Variants in PEX14 observed in about 807,000 individuals in gnomAD.
PEX14 encodes the protein peroxisomal membrane protein PEX14.
A neutral mutation model predicts 49.5 loss-of-function variants in PEX14; 15 were observed. The observed-to-expected ratio is 0.30, with a 90% CI of 0.20 to 0.47. The LOEUF is 0.47. Among genes scored for constraint, PEX14 ranks in the 20% least tolerant of loss-of-function variants. PEX14 has a pLI of 1.00. For synonymous variants in PEX14, 210 were observed against 212.7 expected, an observed-to-expected ratio of 0.99 and a Z score of 0.11; for missense variants, 398 against 494.8, an observed-to-expected ratio of 0.80 and a Z score of 1.86.
Position 10,514,156 on chromosome 1 carries a change from C to CTGTGTGTGTGTGTGTGTG in PEX14, c.84+18861_84+18878dup, listed in dbSNP as rs56306413. ...AAAATGTATAAAATAATCTATGCCTCTGTGTGTGTGTGTGTGTGTGTGTGT... is the reference window on the plus strand; with the variant it reads ...AAAATGTATAAAATAATCTATGCCTCTGTGTGTGTGTGTGTGTGTGTGTGTGTGTGTGTGTGTGTGTGT... On this transcript the variant is annotated intron_variant, in intron 2 of 8. Transcript: ENST00000356607. The surrounding 1 kb of genome is among the most constrained non-coding windows in gnomAD (Gnocchi z 4.4). Among the ~76,000 whole-genome samples, 2 of 143,176 alleles carry CTGTGTGTGTGTGTGTGTG rather than the reference C, an allele frequency of 1.4e-5. No homozygotes were observed. The highest frequency in any genetic ancestry group is 3.1e-5 in the Non-Finnish European group (2 of 65,074). The allele number at this position is 143,176 out of a possible 152,430, so 93.9% of individuals were successfully genotyped here.
At chr1:10,601,036 C>A (rs529064001) in intron 4 of PEX14, among the ~76,000 whole-genome samples, 1 of 151,698 alleles carries the variant, frequency 6.6e-6, no homozygotes, top group South Asian at 2.1e-4. Flanking sequence ...CCAAGGCGGG[C>A]GGATCACTTG....
chr1:10,612,717 A>G (rs555476385), intron 4 of PEX14, among the ~76,000 whole-genome samples: 4 of 152,186 alleles, frequency 2.6e-5, no homozygotes, highest in Non-Finnish European at 5.9e-5. Flanking sequence ...GTCTCTCTGC[A>G]CTTGTGCTCT....
In PEX14 at chr1:10,495,274, C is replaced by T; in HGVS notation, c.37C>T (p.Pro13Ser). Residue 13 changes from proline to serine, a missense_variant and splice_region_variant, in exon 2 of 9, where the codon CCA becomes TCA. This residue lies in a region of PEX14 where 56 missense variants were observed against 40.8 expected (regional missense o/e 1.37). Transcript: ENST00000356607. This position sits in a 1 kb window ranked among gnomAD's most constrained non-coding sequence, Gnocchi z 4.2. ...SSEQAEQPSQPSSTPGSENVL... is the reference protein window; with the variant it reads ...SSEQAEQPSQSSSTPGSENVL... ...TTTTTGTTTCCATTTTTCTCTGCAG[C>T]CAAGCTCTACTCCAGGAAGTGAAAA... The T allele has an allele frequency of 6.2e-7, 1 of 1,613,872 alleles. No homozygotes were observed. The highest frequency in any genetic ancestry group is 8.5e-7 in the Non-Finnish European group (1 of 1,179,804).
chr1:10,525,332 AAG>A (rs1638441062), intron 2 of PEX14, among the ~76,000 whole-genome samples: 1 of 152,270 alleles, frequency 6.6e-6, no homozygotes, highest in South Asian at 2.1e-4. Context: ...AAAAAAAAAA[AAG>A]ACATTTTCCT....
At chr1:10,602,043 T>C (rs1354874687) in intron 4 of PEX14, among the ~76,000 whole-genome samples, 1 of 152,186 alleles carries the variant, frequency 6.6e-6, no homozygotes, top group East Asian at 1.9e-4. Flanking sequence ...TCACCTACTT[T>C]CCATAGACAC....
At position 10,627,367 on chromosome 1, in the gene PEX14, G is replaced by A; in HGVS notation, c.677+4G>A. ...TGAAAGGGCTTCTTTTAAATCGGTA[G>A]GAGGGAGGAATGGGGACCCTGTTCT... On this transcript the variant is annotated splice_donor_region_variant and intron_variant, in intron 8 of 8. Coordinates refer to ENST00000356607, the MANE Select transcript of PEX14 (RefSeq NM_004565.3). The A allele has an allele frequency of 6.3e-7, 1 of 1,594,386 alleles. No homozygotes were observed. The highest frequency in any genetic ancestry group is 8.6e-7 in the Non-Finnish European group (1 of 1,162,262).
intron 3 of PEX14, among the ~76,000 whole-genome samples, chr1:10,552,475 C>CT (rs1266984183): frequency 2.6e-5 from 4 of 152,156 alleles, no homozygotes; most frequent in East Asian, 1.9e-4. Context: ...TTCATTTACT[C>CT]TAAGTTTGTT....
intron 2 of PEX14, among the ~76,000 whole-genome samples, chr1:10,509,657 A>G (rs886787134): frequency 1.8e-4 from 27 of 152,258 alleles, no homozygotes; most frequent in Admixed American, 1.1e-3. Context: ...GGCTGGAGGA[A>G]CGCTGCCGTG....
intron 2 of PEX14, among the ~76,000 whole-genome samples, chr1:10,517,316 C>G (rs902465643): frequency 4.6e-5 from 7 of 152,154 alleles, no homozygotes; most frequent in Non-Finnish European, 8.8e-5. Flanking sequence ...AGGGGCAACT[C>G]CCTCTCCTAT....
chr1:10,606,533 G>A (rs1345651612), intron 4 of PEX14, among the ~76,000 whole-genome samples: 1 of 144,682 alleles, frequency 6.9e-6, no homozygotes, highest in Non-Finnish European at 1.5e-5. Context: ...TAGGATAATG[G>A]TTGCCTCTGG....
intron 2 of PEX14, among the ~76,000 whole-genome samples, chr1:10,531,038 C>G (rs955228858): frequency 1.3e-5 from 2 of 152,040 alleles, no homozygotes; most frequent in Non-Finnish European, 2.9e-5. Context: ...AGAAAGAGAG[C>G]GTGTAGACTT....
intron 3 of PEX14, among the ~76,000 whole-genome samples, chr1:10,573,177 TATC>T (rs1267511619): frequency 1.3e-5 from 2 of 152,366 alleles, no homozygotes; most frequent in South Asian, 4.1e-4. Context: ...TTAACTGAAA[TATC>T]ATGTGGCGCG....
chr1:10,504,888 G>A (rs900340907), intron 2 of PEX14, among the ~76,000 whole-genome samples: 6 of 150,876 alleles, frequency 4.0e-5, no homozygotes, highest in Non-Finnish European at 5.9e-5. Context: ...CCAGGGTCAA[G>A]CTGTTCTCCT....
chr1:10,606,118 C>T (rs893159939), intron 4 of PEX14, among the ~76,000 whole-genome samples: 39 of 152,196 alleles, frequency 2.6e-4, no homozygotes, highest in African/African-American at 9.2e-4. Context: ...GAACTCCAAA[C>T]AAGAGTGGCT....
intron 3 of PEX14, among the ~76,000 whole-genome samples, chr1:10,553,517 G>A (rs759715259): frequency 4.6e-5 from 7 of 152,216 alleles, no homozygotes; most frequent in Non-Finnish European, 8.8e-5. Flanking sequence ...ACATTGTTAA[G>A]TGGTTTCACT....
At chr1:10,598,311 G>T (rs973152346) in intron 3 of PEX14, among the ~76,000 whole-genome samples, 1 of 152,176 alleles carries the variant, frequency 6.6e-6, no homozygotes, top group African/African-American at 2.4e-5. Context: ...ATACTTGAGC[G>T]CCACATTTCA....
Position 10,495,162 on chromosome 1 carries a change from G to A in PEX14, c.37-112G>A. 6.3e-7 allele frequency: 1 copy of A among 1,576,624 alleles called. No homozygotes were observed. On this transcript the variant is annotated intron_variant, in intron 1 of 8. Transcript: ENST00000356607. The surrounding 1 kb of genome is among the most constrained non-coding windows in gnomAD (Gnocchi z 4.2). Reference sequence around the variant, plus strand: ...CTTGTGTCGTGAAAAACCAGTGAGAGATGTGAGAAAGAGGTGCCAGCGTGC... The same window carrying A: ...CTTGTGTCGTGAAAAACCAGTGAGAAATGTGAGAAAGAGGTGCCAGCGTGC...
At chr1:10,605,630 CAGA>C (rs1242243474) in intron 4 of PEX14, among the ~76,000 whole-genome samples, 9 of 152,200 alleles carry the variant, frequency 5.9e-5, no homozygotes, top group Non-Finnish European at 1.0e-4. Flanking sequence ...TGACAGTAAA[CAGA>C]AAGCATGCAT....
chr1:10,554,415 G>C (rs12562838), intron 3 of PEX14, among the ~76,000 whole-genome samples: 147,999 of 152,286 alleles, frequency 0.97, 72,051 homozygotes, highest in East Asian at 1. Context: ...TAACTGACTT[G>C]CTGGGAGATC....
Sources: gnomAD v4.1 joint callset for allele counts (sites outside exome capture counted in the v4.1 genomes callset) on GRCh38, gnomAD v4.1.1 for gene constraint, gnomAD v4.1.1 regional missense constraint, Gnocchi (gnomAD v3.1) non-coding constraint, MANE v1.5 for transcripts, NCBI Gene and HGNC (gene_info 2026-07-23, HGNC 2026-07-21) for gene names.